The following ELAVL3 variants were observed in gnomAD, a reference collection of about 807,000 sequenced individuals.
ELAVL3 encodes the protein ELAV like RNA binding protein 3, also known as ELAV-like protein 3.
ELAVL3 carries 8 observed loss-of-function variants against 34.2 expected under a neutral mutation model. That is an observed-to-expected ratio of 0.23 (90% CI 0.14 to 0.42). The LOEUF is 0.42. Ranked by LOEUF, ELAVL3 falls within the 10% of genes least tolerant of loss-of-function variation. The pLI, the probability that ELAVL3 is intolerant of heterozygous loss-of-function variation, is 1.00. For synonymous variants in ELAVL3, 209 were observed against 222.1 expected, an observed-to-expected ratio of 0.94 and a Z score of 0.53; for missense variants, 273 against 518.8, an observed-to-expected ratio of 0.53 and a Z score of 4.60.
intron 3 of ELAVL3, among the ~76,000 whole-genome samples, chr19:11,464,778 T>TAC: frequency 1.9e-5 from 1 of 52,788 alleles, no homozygotes; most frequent in Middle Eastern, 0.025. Flanking sequence ...ACCACACACA[T>TAC]ACACCACACA....
At chr19:11,465,087 ACACACAC>A (rs1344464564) in intron 3 of ELAVL3, among the ~76,000 whole-genome samples, 2 of 137,470 alleles carry the variant, frequency 1.5e-5, no homozygotes, top group Non-Finnish European at 3.1e-5. Context: ...ACACAGACAC[ACACACAC>A]CACACACACA....
At chr19:11,459,886 C>T (rs1486282804) in intron 3 of ELAVL3, among the ~76,000 whole-genome samples, 1 of 152,072 alleles carries the variant, frequency 6.6e-6, no homozygotes, top group African/African-American at 2.4e-5. Context: ...CACACCCAGC[C>T]ACTCTTCCCA....
intron 1 of ELAVL3, among the ~76,000 whole-genome samples, chr19:11,473,050 G>C (rs763733729): frequency 6.6e-6 from 1 of 151,860 alleles, no homozygotes; most frequent in Non-Finnish European, 1.5e-5. Flanking sequence ...CTGGGTGACA[G>C]AGTGAGACTC....
chr19:11,467,064 A>G (rs1224278806), intron 1 of ELAVL3, among the ~76,000 whole-genome samples: 1 of 152,206 alleles, frequency 6.6e-6, no homozygotes, highest in Non-Finnish European at 1.5e-5. Flanking sequence ...TATGACTACT[A>G]TATACGCAAA....
Position 11,471,734 on chromosome 19 carries a change from A to T in ELAVL3, c.10-4907T>A, listed in dbSNP as rs113260718. On this transcript the variant is annotated intron_variant, in intron 1 of 6. Transcript: ENST00000359227. Reference sequence around the variant, plus strand: ...CTCCCAAAGTGTTGGGATTACAGGCATGAGCCACTGAACCTGGCCCAATTT... The same window carrying T: ...CTCCCAAAGTGTTGGGATTACAGGCTTGAGCCACTGAACCTGGCCCAATTT... 9.4e-3 allele frequency among the ~76,000 whole-genome samples: 1,422 copies of T among 152,040 alleles called. 16 individuals carry two copies. Among genetic ancestry groups the T allele is most frequent in the African/African-American group, 0.032 (1,342 of 41,492 alleles).
At chr19:11,465,889 C>T (rs923173122) in intron 3 of ELAVL3, among the ~76,000 whole-genome samples, 32 of 152,154 alleles carry the variant, frequency 2.1e-4, no homozygotes, top group African/African-American at 7.7e-4. Context: ...TCACAGGACC[C>T]TGGTCACTCT....
intron 1 of ELAVL3, among the ~76,000 whole-genome samples, chr19:11,469,429 C>A (rs769147830): frequency 6.6e-6 from 1 of 152,038 alleles, no homozygotes; most frequent in Non-Finnish European, 1.5e-5. Flanking sequence ...TATAGGCATG[C>A]GCCACCATGC....
chr19:11,454,396 G>T lies in ELAVL3; in HGVS notation c.*130C>A. The stretch of plus-strand genomic sequence containing the variant: ...CTCACCCTGTGGCTTCCGCAGGGAC[G>T]TGGGGCCCTCGCGTCGTCCGTGGGG... On this transcript the variant is annotated 3_prime_UTR_variant, in exon 7 of 7. Transcript: ENST00000359227. This position sits in a 1 kb window ranked among gnomAD's most constrained non-coding sequence, Gnocchi z 9.2. 1.1e-6 allele frequency: 1 copy of T among 920,248 alleles called. No individual in the cohort carries two copies. The highest frequency in any genetic ancestry group is 1.6e-6 in the Non-Finnish European group (1 of 627,548). The allele number at this position is 920,248 out of a possible 1,614,324, so 57.0% of individuals were successfully genotyped here.
At chr19:11,464,103 C>CTCTCTG (rs1970949843) in intron 3 of ELAVL3, among the ~76,000 whole-genome samples, 3 of 143,432 alleles carry the variant, frequency 2.1e-5, no homozygotes, top group African/African-American at 8.4e-5. Context: ...CTCTCCCTCT[C>CTCTCTG]TCTCTCTCTG....
Position 11,465,209 on chromosome 19 carries a change from TAC to T in ELAVL3, c.333+961_333+962del, listed in dbSNP as rs554012835. ...GTAATACACCTACACGCCACACACA[TAC>T]ACACACACCACACACATACACACCG... is the stretch of plus-strand genomic sequence containing the variant. On this transcript the variant is annotated intron_variant, in intron 3 of 6. Coordinates refer to ENST00000359227, the MANE Select transcript of ELAVL3 (RefSeq NM_001420.4). 5.5e-3 allele frequency among the ~76,000 whole-genome samples: 353 copies of T among 63,668 alleles called. 3 individuals carry two copies. The highest frequency in any genetic ancestry group is 0.02 in the African/African-American group (327 of 16,292). The allele number at this position is 63,668 out of a possible 152,430, so 41.8% of individuals were successfully genotyped here.
chr19:11,476,980 G>A (rs924249230), intron 1 of ELAVL3, among the ~76,000 whole-genome samples: 6 of 151,846 alleles, frequency 4.0e-5, no homozygotes, highest in Admixed American at 1.3e-4. Context: ...CTCCCCTAAC[G>A]AAAAGACCAG....
intron 3 of ELAVL3, among the ~76,000 whole-genome samples, chr19:11,462,961 CAA>C (rs1169791063): frequency 2.7e-3 from 198 of 73,042 alleles, no homozygotes; most frequent in African/African-American, 7.0e-3. Context: ...GACTCCGTCT[CAA>C]AAAAAAAAAA....
rs1263178505 is a variant in ELAVL3, at chr19:11,466,087, A to C, written c.333+85T>G. On this transcript the variant is annotated intron_variant, in intron 3 of 6. Transcript: ENST00000359227. This position sits in a 1 kb window ranked among gnomAD's most constrained non-coding sequence, Gnocchi z 5.0. ...CCTGAAAGGCAGTGGACATGGATGCATGGGGGCGGGTAGGTGGCAGTAGGG... is the reference window on the plus strand; with the variant it reads ...CCTGAAAGGCAGTGGACATGGATGCCTGGGGGCGGGTAGGTGGCAGTAGGG... 12 of 1,179,628 alleles carry C rather than the reference A, an allele frequency of 1.0e-5. No individual in the cohort carries two copies. The highest frequency in any genetic ancestry group is 1.4e-5 in the Non-Finnish European group (11 of 812,094). 73.1% of individuals were successfully genotyped at this position (1,179,628 alleles called of 1,614,324 possible). A position where few individuals can be genotyped will look rare whatever the true frequency, so the allele number is the denominator to read the frequency against.
At position 11,480,782 on chromosome 19, in the gene ELAVL3, C is replaced by A; in HGVS notation, c.-174G>T. 1 of 513,928 alleles carries A rather than the reference C, an allele frequency of 1.9e-6. No individual in the cohort carries two copies. The highest frequency in any genetic ancestry group is 3.5e-5 in the East Asian group (1 of 28,172). The allele number at this position is 513,928 out of a possible 1,614,324, so 31.8% of individuals were successfully genotyped here. On this transcript the variant is annotated 5_prime_UTR_variant, in exon 1 of 7. Transcript: ENST00000359227. The surrounding 1 kb of genome is among the most constrained non-coding windows in gnomAD (Gnocchi z 6.8). ...CTCGAGGGCCAGGGACGGGCCCGAA[C>A]CCGGGGATGCGCGCGCGGATGGCCG...
At chr19:11,474,125 G>A (rs1035783101) in intron 1 of ELAVL3, among the ~76,000 whole-genome samples, 2 of 152,050 alleles carry the variant, frequency 1.3e-5, no homozygotes, top group Non-Finnish European at 1.5e-5. Context: ...CTAAACCTCC[G>A]GGGCTGAAGT....
rs186861456 is a variant in ELAVL3 at position 11,458,665 on chromosome 19, G to A, written c.334-54C>T. 1.9e-6 allele frequency: 3 copies of A among 1,600,346 alleles called. No homozygotes were observed. The highest frequency in any genetic ancestry group is 2.2e-5 in the East Asian group (1 of 44,780). On this transcript the variant is annotated intron_variant, in intron 3 of 6. Transcript: ENST00000359227. The surrounding 1 kb of genome is among the most constrained non-coding windows in gnomAD (Gnocchi z 7.3). The stretch of plus-strand genomic sequence containing the variant: ...TGAGGCAGAGACCCATTTCACAGAT[G>A]GAGAGAGTGAGGCCATGTCTAAACC...
intron 3 of ELAVL3, among the ~76,000 whole-genome samples, chr19:11,464,614 A>G (rs1334702101): frequency 6.8e-6 from 1 of 146,950 alleles, no homozygotes; most frequent in African/African-American, 2.6e-5. Context: ...TACACCACAC[A>G]CACCACACAC....
Position 11,458,294 on chromosome 19 carries a change from G to A in ELAVL3, c.488-8C>T. On this transcript the variant is annotated splice_polypyrimidine_tract_variant and splice_region_variant and intron_variant, in intron 4 of 6. Transcript: ENST00000359227. The surrounding 1 kb of genome is among the most constrained non-coding windows in gnomAD (Gnocchi z 7.3). ...CCACACCCCGAGAGACACCTGCCAG[G>A]GGGCAGGGATGTCCATCACGACGAC... The A allele has an allele frequency of 6.2e-7, 1 of 1,612,866 alleles. No homozygotes were observed. Among genetic ancestry groups the A allele is most frequent in the Non-Finnish European group, 8.5e-7 (1 of 1,179,480 alleles).
chr19:11,465,931 T>C (rs1971043772), intron 3 of ELAVL3, among the ~76,000 whole-genome samples: 1 of 152,014 alleles, frequency 6.6e-6, no homozygotes, highest in Non-Finnish European at 1.5e-5. Flanking sequence ...TCCCTGAGCC[T>C]CCAGAGATCG....
Sources: gnomAD v4.1 joint callset for allele counts (sites outside exome capture counted in the v4.1 genomes callset) on GRCh38, gnomAD v4.1.1 for gene constraint, Gnocchi (gnomAD v3.1) non-coding constraint, MANE v1.5 for transcripts, NCBI Gene and HGNC (gene_info 2026-07-23, HGNC 2026-07-21) for gene names.